PRKG1: variants seen among roughly 807,000 people sequenced by gnomAD.
PRKG1 encodes protein kinase cGMP-dependent 1, also known as cGMP-dependent protein kinase 1.
A neutral mutation model predicts 88.1 loss-of-function variants in PRKG1; 35 were observed. The observed-to-expected ratio is 0.40, with a 90% confidence interval of 0.30 to 0.53. The LOEUF is 0.53. Among genes scored for constraint, PRKG1 ranks in the 20% least tolerant of loss-of-function variants. The pLI, the probability that PRKG1 is intolerant of heterozygous loss-of-function variation, is 0.59. For missense variants in PRKG1, 540 were observed against 839.8 expected (o/e 0.64, Z 4.41); for synonymous variants, 303 against 292.5 (o/e 1.04, Z -0.37).
chr10:51,058,049 T>C (rs1199598239), intron 1 of PRKG1, among the ~76,000 whole-genome samples: 3 of 152,176 alleles, frequency 2.0e-5, no homozygotes, highest in African/African-American at 7.2e-5. Flanking sequence ...TTTTAGCCAT[T>C]TGGGTAGATG....
intron 9 of PRKG1, among the ~76,000 whole-genome samples, chr10:52,189,496 G>A (rs537880403): frequency 4.6e-5 from 7 of 152,272 alleles, no homozygotes; most frequent in Middle Eastern, 3.4e-3. Flanking sequence ...TGTCAGATCC[G>A]CGGCATTAGA....
At chr10:51,907,714 T>G in intron 5 of PRKG1, 144 bp downstream of exon 5, 1 of 620,324 alleles carries the variant, frequency 1.6e-6, no homozygotes, top group Non-Finnish European at 2.7e-6. Flanking sequence ...ATATTTGGCT[T>G]CGTATAGAAA....
At chr10:51,826,398 C>T (rs546555610) in intron 4 of PRKG1, among the ~76,000 whole-genome samples, 4 of 152,150 alleles carry the variant, frequency 2.6e-5, no homozygotes, top group African/African-American at 7.2e-5. Context: ...TAGCTACTCC[C>T]TCTGGGAACC....
intron 7 of PRKG1, among the ~76,000 whole-genome samples, chr10:52,076,251 A>G (rs888377776): frequency 3.3e-5 from 5 of 152,200 alleles, no homozygotes; most frequent in African/African-American, 1.2e-4. Flanking sequence ...ACATCAAAAC[A>G]TAATCTATAA....
intron 9 of PRKG1, among the ~76,000 whole-genome samples, chr10:52,202,424 A>C (rs372581195): frequency 5.3e-5 from 8 of 151,792 alleles, no homozygotes; most frequent in African/African-American, 1.9e-4. Flanking sequence ...TAGCTTTTTG[A>C]TGTGCTGCTG....
chr10:52,179,683 T>C (rs1589678068), intron 9 of PRKG1, among the ~76,000 whole-genome samples: 1 of 152,302 alleles, frequency 6.6e-6, no homozygotes, highest in East Asian at 1.9e-4. Flanking sequence ...CACTTTGTTG[T>C]TGTTGCTGCT....
At chr10:51,901,674 A>C (rs1458093452) in intron 4 of PRKG1, among the ~76,000 whole-genome samples, 2 of 152,196 alleles carry the variant, frequency 1.3e-5, no homozygotes, top group Non-Finnish European at 2.9e-5. Context: ...CTACATTTTA[A>C]AAATTCAATT....
intron 3 of PRKG1, among the ~76,000 whole-genome samples, chr10:51,790,331 T>C (rs1838838508): frequency 6.6e-6 from 1 of 152,146 alleles, no homozygotes; most frequent in African/African-American, 2.4e-5. Flanking sequence ...TATGTACTTA[T>C]AAGATGGTAA....
chr10:51,447,631 C>T lies in PRKG1; in HGVS notation c.479-20092C>T, dbSNP rs113272974. On this transcript the variant is annotated intron_variant, in intron 2 of 17. Coordinates refer to ENST00000373980, the MANE Select transcript of PRKG1 (RefSeq NM_006258.4). ...CACCCACCATTTCCATTTCTCTCCA[C>T]CTCTTCCTCTTCATCTGCAGTTTCT... is the stretch of plus-strand genomic sequence containing the variant. Among the ~76,000 whole-genome samples, 771 of 107,888 alleles carry T rather than the reference C, an allele frequency of 7.1e-3. 7 individuals are homozygous for T. Among genetic ancestry groups the T allele is most frequent in the African/African-American group, 0.033 (714 of 21,422 alleles). 70.8% of individuals were successfully genotyped at this position (107,888 alleles called of 152,430 possible). A position where few individuals can be genotyped will look rare whatever the true frequency, so the allele number is the denominator to read the frequency against.
At chr10:51,291,602 C>T (rs920169842) in intron 2 of PRKG1, among the ~76,000 whole-genome samples, 4 of 152,064 alleles carry the variant, frequency 2.6e-5, no homozygotes, top group Admixed American at 6.6e-5. Context: ...AATCAATCAC[C>T]GCTGAAGCCC....
rs975190136 is a variant in PRKG1, at chr10:51,611,476, C to A, written c.592+143640C>A. Among the ~76,000 whole-genome samples the A allele has an allele frequency of 5.0e-4, 32 of 63,400 alleles. 1 individual carries two copies. The highest frequency in any genetic ancestry group is 8.7e-4 in the African/African-American group (31 of 35,450). The allele number at this position is 63,400 out of a possible 152,430, so 41.6% of individuals were successfully genotyped here. A position where few individuals can be genotyped will look rare whatever the true frequency, so the allele number is the denominator to read the frequency against. On this transcript the variant is annotated intron_variant, in intron 3 of 17. Transcript: ENST00000373980. ...TGCCAATTTTTAATAAGATTATTTG[C>A]CCTTTTTTAAAAAAAAAACGTTAAA...
intron 2 of PRKG1, among the ~76,000 whole-genome samples, chr10:51,257,129 T>C (rs996841335): frequency 6.6e-6 from 1 of 151,324 alleles, no homozygotes; most frequent in Non-Finnish European, 1.5e-5. Context: ...AAAAAAATGA[T>C]GGCATCATTA....
chr10:51,156,297 G>GCACACATACACACACACA (rs1846209918), intron 2 of PRKG1, among the ~76,000 whole-genome samples: 1 of 35,134 alleles, frequency 2.8e-5, no homozygotes, highest in African/African-American at 2.3e-4. Flanking sequence ...TTTGATGCAA[G>GCACACATACACACACACA]CACACACACA....
intron 2 of PRKG1, among the ~76,000 whole-genome samples, chr10:51,296,513 A>G (rs1589327286): frequency 6.6e-6 from 1 of 152,040 alleles, no homozygotes; most frequent in Non-Finnish European, 1.5e-5. Context: ...TTTCTGAGGC[A>G]TCCATTGTAA....
intron 1 of PRKG1, among the ~76,000 whole-genome samples, chr10:51,123,549 G>A (rs1589169695): frequency 6.6e-6 from 1 of 152,186 alleles, no homozygotes; most frequent in East Asian, 1.9e-4. Context: ...AGCCAGGCGT[G>A]ATGGTGGGTT....
At chr10:51,570,026 T>C (rs1248670302) in intron 3 of PRKG1, among the ~76,000 whole-genome samples, 1 of 146,478 alleles carries the variant, frequency 6.8e-6, no homozygotes, top group Non-Finnish European at 1.5e-5. Context: ...AAGACTCTAA[T>C]TCTGATACAA....
intron 2 of PRKG1, among the ~76,000 whole-genome samples, chr10:51,415,263 C>G (rs1838205602): frequency 6.6e-6 from 1 of 152,176 alleles, no homozygotes; most frequent in South Asian, 2.1e-4. Flanking sequence ...TTCATATAAT[C>G]TAACCTCTTT....
intron 3 of PRKG1, among the ~76,000 whole-genome samples, chr10:51,765,457 T>C (rs1392003813): frequency 6.6e-6 from 1 of 152,202 alleles, no homozygotes; most frequent in Non-Finnish European, 1.5e-5. Context: ...TATGATTCAG[T>C]CTTAGTTTAT....
intron 3 of PRKG1, among the ~76,000 whole-genome samples, chr10:51,763,198 A>G (rs1343938918): frequency 6.6e-6 from 1 of 152,092 alleles, no homozygotes; most frequent in Admixed American, 6.6e-5. Context: ...TGTACTTGTA[A>G]GGATGTTACG....
Sources: allele counts gnomAD v4.1 joint callset (sites outside exome capture counted in the v4.1 genomes callset), GRCh38; gene constraint gnomAD v4.1.1; transcripts MANE v1.5; gene names NCBI Gene and HGNC (gene_info 2026-07-23, HGNC 2026-07-21).